The following SLC39A11 variants were observed in gnomAD, a reference collection of about 807,000 sequenced individuals.
SLC39A11 encodes the protein zinc transporter ZIP11.
A neutral mutation model predicts 36.1 loss-of-function variants in SLC39A11; 33 were observed. The ratio of observed to expected loss-of-function variants is 0.91; its 90% confidence interval spans 0.69 to 1.22. The LOEUF (loss-of-function observed/expected upper bound fraction) is 1.22. Among genes scored for constraint, SLC39A11 ranks in the 50% most tolerant of loss-of-function variants. The pLI is 0.00. For synonymous variants in SLC39A11, 166 were observed against 170.3 expected, an observed-to-expected ratio of 0.97 and a Z score of 0.20; for missense variants, 432 against 430.3, an observed-to-expected ratio of 1.00 and a Z score of -0.03.
intron 6 of SLC39A11, among the ~76,000 whole-genome samples, chr17:72,848,488 G>C (rs1351455077): frequency 6.6e-6 from 1 of 152,146 alleles, no homozygotes; most frequent in Non-Finnish European, 1.5e-5. Context: ...GAGGGGCCGA[G>C]GCAGGTGGAT....
chr17:72,906,324 C>T (rs1277976170), intron 5 of SLC39A11, among the ~76,000 whole-genome samples: 1 of 152,218 alleles, frequency 6.6e-6, no homozygotes, highest in East Asian at 1.9e-4. Flanking sequence ...GAAGCCAGGC[C>T]AAGGAGTCTA....
At chr17:72,855,469 T>A (rs1204207769) in intron 5 of SLC39A11, among the ~76,000 whole-genome samples, 2 of 152,214 alleles carry the variant, frequency 1.3e-5, no homozygotes, top group South Asian at 2.1e-4. Flanking sequence ...AATCGTCATC[T>A]GTTAAGTGCA....
At chr17:72,684,923 G>T (rs73349415) in intron 7 of SLC39A11, among the ~76,000 whole-genome samples, 1 of 152,120 alleles carries the variant, frequency 6.6e-6, no homozygotes, top group Non-Finnish European at 1.5e-5. Flanking sequence ...CTGATGACAC[G>T]TTAAGCTCAT....
chr17:72,964,560 G>A (rs1266938809), intron 4 of SLC39A11, among the ~76,000 whole-genome samples: 1 of 152,230 alleles, frequency 6.6e-6, no homozygotes, highest in Non-Finnish European at 1.5e-5. Flanking sequence ...GTAAAAGACT[G>A]TAAATTGGGA....
At chr17:72,662,794 G>A (rs2070530434) in intron 7 of SLC39A11, among the ~76,000 whole-genome samples, 1 of 149,892 alleles carries the variant, frequency 6.7e-6, no homozygotes. Flanking sequence ...GAAGGAAGGA[G>A]GGAAGAAAGA....
intron 6 of SLC39A11, among the ~76,000 whole-genome samples, chr17:72,802,081 A>G (rs952795448): frequency 6.6e-6 from 1 of 152,198 alleles, no homozygotes; most frequent in African/African-American, 2.4e-5. Flanking sequence ...AGCTCTGATT[A>G]AGGGGATTAA....
chr17:72,864,338 G>A (rs565956086), intron 5 of SLC39A11, among the ~76,000 whole-genome samples: 21 of 146,958 alleles, frequency 1.4e-4, no homozygotes, highest in African/African-American at 2.3e-4. Flanking sequence ...CTAGCAACCC[G>A]GGGAATTCTG....
At chr17:72,946,005 A>T (rs1448318095) in intron 5 of SLC39A11, among the ~76,000 whole-genome samples, 2 of 152,186 alleles carry the variant, frequency 1.3e-5, no homozygotes, top group African/African-American at 4.8e-5. Flanking sequence ...CACAATCAGG[A>T]TCATAAGGTC....
chr17:72,680,898 T>C (rs2071483657), intron 7 of SLC39A11, among the ~76,000 whole-genome samples: 1 of 152,220 alleles, frequency 6.6e-6, no homozygotes, highest in Non-Finnish European at 1.5e-5. Context: ...CTTCTGGCTA[T>C]TGTAAATAAT....
chr17:72,835,851 T>A (rs1015929809), intron 6 of SLC39A11, among the ~76,000 whole-genome samples: 3 of 152,224 alleles, frequency 2.0e-5, no homozygotes, highest in Non-Finnish European at 4.4e-5. Context: ...ACTCTCATGA[T>A]CTCACCTAAG....
chr17:72,668,615 G>A lies in SLC39A11; in HGVS notation c.672-19347C>T, dbSNP rs145685426. ...GAGAAGTTCAAAGTGAGGAGAGAGAGCACAACCACAGCTATGAATGGGCAT... is the reference window on the plus strand; with the variant it reads ...GAGAAGTTCAAAGTGAGGAGAGAGAACACAACCACAGCTATGAATGGGCAT... On this transcript the variant is annotated intron_variant, in intron 7 of 9. Coordinates refer to ENST00000255559, the MANE Select transcript of SLC39A11 (RefSeq NM_139177.4). 1.5e-4 allele frequency among the ~76,000 whole-genome samples: 23 copies of A among 152,328 alleles called. No individual in the cohort carries two copies. In the East Asian group the frequency reaches 4.0e-3, roughly 27 times the overall value.
chr17:72,897,052 C>CAAAAAAA (rs10656675), intron 5 of SLC39A11, among the ~76,000 whole-genome samples: 686 of 64,126 alleles, frequency 0.011, 43 homozygotes, highest in African/African-American at 0.043. Context: ...GACTCTGTCT[C>CAAAAAAA]AAAAAAAAAA....
chr17:72,879,093 C>T (rs1054468875), intron 5 of SLC39A11, among the ~76,000 whole-genome samples: 13 of 152,324 alleles, frequency 8.5e-5, no homozygotes, highest in South Asian at 4.1e-4. Context: ...AGGAAGGGGG[C>T]GTGGAGCTTC....
chr17:72,797,003 C>T (rs1442031362), intron 6 of SLC39A11, among the ~76,000 whole-genome samples: 2 of 152,082 alleles, frequency 1.3e-5, no homozygotes, highest in East Asian at 3.8e-4. Context: ...ATGGGGCCGT[C>T]CCTGAACTTT....
At chr17:72,793,565 G>A (rs1411665439) in intron 6 of SLC39A11, among the ~76,000 whole-genome samples, 1 of 152,110 alleles carries the variant, frequency 6.6e-6, no homozygotes, top group East Asian at 1.9e-4. Context: ...CAGATTTCTA[G>A]CTTTTAAGAG....
intron 6 of SLC39A11, among the ~76,000 whole-genome samples, chr17:72,740,080 T>G (rs1434947359): frequency 7.9e-6 from 1 of 126,518 alleles, no homozygotes; most frequent in Non-Finnish European, 1.7e-5. Flanking sequence ...TTTTTTTTTT[T>G]GAGATGGAGT....
intron 6 of SLC39A11, among the ~76,000 whole-genome samples, chr17:72,824,576 G>A (rs2077934083): frequency 6.6e-6 from 1 of 151,382 alleles, no homozygotes; most frequent in Non-Finnish European, 1.5e-5. Flanking sequence ...AGGAAGACAG[G>A]AAGATGAGGG....
At chr17:72,858,034 C>T (rs1022940066) in intron 5 of SLC39A11, among the ~76,000 whole-genome samples, 2 of 152,102 alleles carry the variant, frequency 1.3e-5, no homozygotes, top group African/African-American at 4.8e-5. Flanking sequence ...GGGATCTTTA[C>T]CATGAAATCT....
At chr17:72,743,368 A>T (rs1376217561) in intron 6 of SLC39A11, among the ~76,000 whole-genome samples, 2 of 152,176 alleles carry the variant, frequency 1.3e-5, no homozygotes, top group African/African-American at 4.8e-5. Context: ...AAGGGAATGC[A>T]TTTTCCCTCC....
Sources: allele counts gnomAD v4.1 joint callset (sites outside exome capture counted in the v4.1 genomes callset), GRCh38; gene constraint gnomAD v4.1.1; transcripts MANE v1.5; gene names NCBI Gene and HGNC (gene_info 2026-07-23, HGNC 2026-07-21).